The following OXNAD1 variants were observed in gnomAD, a reference collection of about 807,000 sequenced individuals.
OXNAD1 encodes oxidoreductase NAD-binding domain-containing protein 1.
OXNAD1 carries 34 observed loss-of-function variants against 32.9 expected under a neutral mutation model. That is an observed-to-expected ratio of 1.03 (90% CI 0.79 to 1.38). The LOEUF (loss-of-function observed/expected upper bound fraction) is 1.38. Ranked by LOEUF, OXNAD1 falls within the 40% of genes most tolerant of loss-of-function variation. The pLI is 0.00. For missense variants in OXNAD1, 407 were observed against 379.4 expected, an observed-to-expected ratio of 1.07 and a Z score of -0.60; for synonymous variants, 134 against 135.2, an observed-to-expected ratio of 0.99 and a Z score of 0.06.
downstream of OXNAD1, among the ~76,000 whole-genome samples, chr3:16,340,280 C>T (rs2071229611): frequency 6.6e-6 from 1 of 152,266 alleles, no homozygotes; most frequent in African/African-American, 2.4e-5. Context: ...ATGAAATAAG[C>T]TAGCACATTG....
downstream of OXNAD1, among the ~76,000 whole-genome samples, chr3:16,337,537 A>T (rs1308018264): frequency 6.6e-6 from 1 of 151,828 alleles, no homozygotes; most frequent in Non-Finnish European, 1.5e-5. The surrounding 1 kb of genome is among the most constrained non-coding windows in gnomAD (Gnocchi z 5.0). Context: ...AGGTCAGGAG[A>T]TCGAGACCAC....
rs567147027 is a variant in OXNAD1, at chr3:16,315,295, T to C, written c.*30+11703T>C. 7.0e-3 allele frequency among the ~76,000 whole-genome samples: 1,073 copies of C among 152,258 alleles called. 17 individuals carry two copies. Among genetic ancestry groups the C allele is most frequent in the Middle Eastern group, 0.014 (4 of 294 alleles). On this transcript the variant is annotated intron_variant, in intron 9 of 9. Transcript: ENST00000435829. ...CACGCCCAGCTAATTTTTGTATTTT[T>C]AGTAGAGACGGGGTTTCACCACGTT...
intron 4 of OXNAD1, among the ~76,000 whole-genome samples, chr3:16,279,127 G>T (rs1368647428): frequency 6.6e-6 from 1 of 152,232 alleles, no homozygotes; most frequent in Non-Finnish European, 1.5e-5. Context: ...TCCAGCCTGG[G>T]ATGAGCAGTG....
At chr3:16,295,804 C>CA (rs1283417052) in intron 6 of OXNAD1, among the ~76,000 whole-genome samples, 1 of 152,070 alleles carries the variant, frequency 6.6e-6, no homozygotes, top group Non-Finnish European at 1.5e-5. Context: ...AATATGGCTT[C>CA]AAAAACAGCA....
Position 16,271,531 on chromosome 3 carries a change from C to T in OXNAD1, c.120-128C>T. 1.3e-6 allele frequency: 1 copy of T among 768,036 alleles called. No individual in the cohort carries two copies. The highest frequency in any genetic ancestry group is 2.0e-6 in the Non-Finnish European group (1 of 507,586). The allele number at this position is 768,036 out of a possible 1,614,324, so 47.6% of individuals were successfully genotyped here. ...AACTTTAGTTAGACGGGCAGATACT[C>T]ACTGGCCATTTTATAGGATCTGTAA... On this transcript the variant is annotated intron_variant, in intron 3 of 8. Coordinates refer to ENST00000285083, the MANE Select transcript of OXNAD1 (RefSeq NM_138381.5). The surrounding 1 kb of genome is among the most constrained non-coding windows in gnomAD (Gnocchi z 4.6).
chr3:16,341,628 T>C (rs2071324908), downstream of OXNAD1, among the ~76,000 whole-genome samples: 1 of 152,078 alleles, frequency 6.6e-6, no homozygotes, highest in Non-Finnish European at 1.5e-5. This position sits in a 1 kb window ranked among gnomAD's most constrained non-coding sequence, Gnocchi z 4.7. Flanking sequence ...AGTTTATTTT[T>C]CTAAAAAAAA....
chr3:16,296,235 C>T (rs1334467531), intron 6 of OXNAD1, among the ~76,000 whole-genome samples: 1 of 152,070 alleles, frequency 6.6e-6, no homozygotes, highest in Non-Finnish European at 1.5e-5. Context: ...GCTTAGGATA[C>T]TCTCTGGCCC....
At chr3:16,318,415 G>A (rs1254043778) in intron 9 of OXNAD1, among the ~76,000 whole-genome samples, 2 of 152,238 alleles carry the variant, frequency 1.3e-5, no homozygotes, top group East Asian at 3.8e-4. Context: ...CAGGAATGCA[G>A]TTGCACCATC....
rs914529365 is a variant in OXNAD1, at chr3:16,286,503, A to G, written c.290+55A>G. The stretch of plus-strand genomic sequence containing the variant: ...TATGTTCAAGAAGGTGCCATCAGAT[A>G]GAAGGTATTATTTTTTCTCCTGGAA... On this transcript the variant is annotated intron_variant, in intron 5 of 8. Transcript: ENST00000285083. The G allele has an allele frequency of 4.2e-6, 6 of 1,419,010 alleles. No individual in the cohort carries two copies. The African/African-American group carries it at 8.5e-5, about 20-fold the overall frequency. The allele number at this position is 1,419,010 out of a possible 1,614,324, so 87.9% of individuals were successfully genotyped here.
At position 16,317,421 on chromosome 3, in the gene OXNAD1, T is replaced by C. The variant is rs928835425; in HGVS notation, c.*30+13829T>C. 2.0e-5 allele frequency among the ~76,000 whole-genome samples: 3 copies of C among 152,022 alleles called. No homozygotes were observed. The highest frequency in any genetic ancestry group is 7.2e-5 in the African/African-American group (3 of 41,384). On this transcript the variant is annotated intron_variant, in intron 9 of 9. Coordinates refer to the OXNAD1 transcript ENST00000435829. This position sits in a 1 kb window ranked among gnomAD's most constrained non-coding sequence, Gnocchi z 4.3. Reference sequence around the variant, plus strand: ...TCACATCACACCCACCCCAAGAGCCTGCACCACACCTTCCAGGATGTGTAT... The same window carrying C: ...TCACATCACACCCACCCCAAGAGCCCGCACCACACCTTCCAGGATGTGTAT...
Position 16,298,977 on chromosome 3 carries a change from C to T in OXNAD1, c.433-2649C>T, listed in dbSNP as rs770823614. Among the ~76,000 whole-genome samples, 2 of 152,260 alleles carry T rather than the reference C, an allele frequency of 1.3e-5. No individual in the cohort carries two copies. Among genetic ancestry groups the T allele is most frequent in the Non-Finnish European group, 1.5e-5 (1 of 68,008 alleles). On this transcript the variant is annotated intron_variant, in intron 6 of 8. Coordinates refer to ENST00000285083, the MANE Select transcript of OXNAD1 (RefSeq NM_138381.5). The surrounding 1 kb of genome is among the most constrained non-coding windows in gnomAD (Gnocchi z 5.1). ...GCTTTTAATTCTTCCCGGATGCTAC[C>T]AAATCAGAATACAGACCTACCGAAG...
At chr3:16,319,085 A>G (rs573111748) in intron 9 of OXNAD1, among the ~76,000 whole-genome samples, 1 of 152,316 alleles carries the variant, frequency 6.6e-6, no homozygotes, top group South Asian at 2.1e-4. Flanking sequence ...GCCCTGTGTT[A>G]GGCAGCTGCC....
At chr3:16,306,992 A>C (rs116328467), downstream of OXNAD1, among the ~76,000 whole-genome samples, 1,774 of 152,278 alleles carry the variant, frequency 0.012, 38 homozygotes, top group African/African-American at 0.04. Context: ...ATTAAGGATT[A>C]ATTATCCATT....
intron 9 of OXNAD1, chr3:16,326,691 T>C: frequency 3.0e-6 from 3 of 1,001,126 alleles, no homozygotes; most frequent in Non-Finnish European, 4.6e-6. Context: ...AAATAATTTA[T>C]AGACGTGAGG....
chr3:16,345,188 C>A lies in OXNAD1; in HGVS notation c.*31-3988C>A, dbSNP rs563167117. ...GACATCCCATTTCAGTGTTTTGAGACCCTAAGCAGCAGACGACCCAGTTCA... is the reference window on the plus strand; with the variant it reads ...GACATCCCATTTCAGTGTTTTGAGAACCTAAGCAGCAGACGACCCAGTTCA... On this transcript the variant is annotated intron_variant, in intron 9 of 9. Coordinates refer to the OXNAD1 transcript ENST00000606098. This position sits in a 1 kb window ranked among gnomAD's most constrained non-coding sequence, Gnocchi z 5.2. 7 of 152,246 alleles carry A rather than the reference C, an allele frequency of 4.6e-5. No individual in the cohort carries two copies. The South Asian group carries it at 8.3e-4, about 18-fold the overall frequency. The allele number at this position is 152,246 out of a possible 1,614,324, so 9.4% of individuals were successfully genotyped here. A position where few individuals can be genotyped will look rare whatever the true frequency, so the allele number is the denominator to read the frequency against.
rs146157874 is a variant in OXNAD1, at chr3:16,321,479, T to C, written c.*31-15633T>C. ...GAGGACTAGATGGAGTGACTCTCGG[T>C]CACCAGGGGACACAGGCCTGTGGGA... On this transcript the variant is annotated intron_variant, in intron 9 of 9. Transcript: ENST00000435829. This position sits in a 1 kb window ranked among gnomAD's most constrained non-coding sequence, Gnocchi z 4.8. Among the ~76,000 whole-genome samples the C allele has an allele frequency of 5.3e-4, 80 of 152,240 alleles. No homozygotes were observed. The highest frequency in any genetic ancestry group is 1.9e-3 in the African/African-American group (77 of 41,540).
At chr3:16,276,194 C>T (rs913791633) in intron 4 of OXNAD1, 1 of 216,268 alleles carries the variant, frequency 4.6e-6, no homozygotes, top group African/African-American at 2.4e-5. Flanking sequence ...AGTGGCTTCA[C>T]CAAGGCAGAT....
In OXNAD1 at chr3:16,345,264, T is replaced by TTTGTGTGTGTGTGTGTGTGTGTG. The variant is rs1491581919; in HGVS notation, c.*31-3911_*31-3910insTGTGTGTGTGTGTGTGTGTGTGT. The TTTGTGTGTGTGTGTGTGTGTGTG allele has an allele frequency of 5.3e-4, 78 of 145,928 alleles. 1 individual carries two copies. Among genetic ancestry groups the TTTGTGTGTGTGTGTGTGTGTGTG allele is most frequent in the African/African-American group, 2.0e-3 (77 of 37,852 alleles). The allele number at this position is 145,928 out of a possible 1,614,324, so 9.0% of individuals were successfully genotyped here. On this transcript the variant is annotated intron_variant, in intron 9 of 9. Transcript: ENST00000606098. This position sits in a 1 kb window ranked among gnomAD's most constrained non-coding sequence, Gnocchi z 5.2. The stretch of plus-strand genomic sequence containing the variant: ...AAACTGTAAGATAATAAGTAGGTGG[T>TTTGTGTGTGTGTGTGTGTGTGTG]TGTGTGTGTGTGTGTGTGTGTGTGT...
rs751792074 is a variant in OXNAD1, at chr3:16,327,182, C to T, written c.*31-9930C>T. Among the ~76,000 whole-genome samples the T allele has an allele frequency of 2.0e-5, 3 of 152,150 alleles. No homozygotes were observed. The highest frequency in any genetic ancestry group is 2.1e-4 in the South Asian group (1 of 4,824). On this transcript the variant is annotated intron_variant, in intron 9 of 9. Transcript: ENST00000435829. The surrounding 1 kb of genome is among the most constrained non-coding windows in gnomAD (Gnocchi z 4.2). ...AATAGCCTCCTGTGAGTTTCACTGACGAAGCATAACTGTCTCACCTCTGAG... is the reference window on the plus strand; with the variant it reads ...AATAGCCTCCTGTGAGTTTCACTGATGAAGCATAACTGTCTCACCTCTGAG...
Sources: allele counts gnomAD v4.1 joint callset (sites outside exome capture counted in the v4.1 genomes callset), GRCh38; gene constraint gnomAD v4.1.1; non-coding constraint Gnocchi (gnomAD v3.1); transcripts MANE v1.5; gene names NCBI Gene and HGNC (gene_info 2026-07-23, HGNC 2026-07-21).